CNNM3: variants seen among roughly 807,000 people sequenced by gnomAD.
CNNM3 encodes the protein cyclin and CBS domain divalent metal cation transport mediator 3.
In CNNM3, 47 loss-of-function variants were observed where a neutral mutation model predicts 57.1. That is an observed-to-expected ratio of 0.82 (90% CI 0.65 to 1.05). CNNM3 has a LOEUF of 1.05. Among genes scored for constraint, CNNM3 ranks in the 50% least tolerant of loss-of-function variants. The pLI, the probability that CNNM3 is intolerant of heterozygous loss-of-function variation, is 0.00. For synonymous variants in CNNM3, 507 were observed against 478.2 expected, an observed-to-expected ratio of 1.06 and a Z score of -0.79; for missense variants, 957 against 973.7, an observed-to-expected ratio of 0.98 and a Z score of 0.23.
At position 96,832,541 on chromosome 2, in the gene CNNM3, G is replaced by T. The variant is rs775115240; in HGVS notation, c.2060-11G>T. On this transcript the variant is annotated splice_polypyrimidine_tract_variant and intron_variant, in intron 7 of 7. Transcript: ENST00000305510. ...CTTTGATGTTAATTCTCCTTCCCTT[G>T]TCTCCTGTAGGGTCCAGCCACAGCA... 32 of 1,613,956 alleles carry T rather than the reference G, an allele frequency of 2.0e-5. 2 individuals carry two copies. The South Asian group carries it at 3.5e-4, about 18-fold the overall frequency.
Position 96,833,486 on chromosome 2 carries a change from G to A in CNNM3, c.*870G>A, listed in dbSNP as rs1389100701. ...CCCACAGCCTCCCTGCAGGTGCTGT[G>A]TGGCCGTGATGTGCAGAGAGCAGTG... is the stretch of plus-strand genomic sequence containing the variant. On this transcript the variant is annotated 3_prime_UTR_variant, in exon 8 of 8. Coordinates refer to ENST00000305510, the MANE Select transcript of CNNM3 (RefSeq NM_017623.5). The A allele has an allele frequency of 1.2e-5, 2 of 167,708 alleles. No homozygotes were observed. The highest frequency in any genetic ancestry group is 2.4e-5 in the African/African-American group (1 of 41,748). 10.4% of individuals were successfully genotyped at this position (167,708 alleles called of 1,614,324 possible).
intron 1 of CNNM3, among the ~76,000 whole-genome samples, chr2:96,823,177 T>C (rs184857927): frequency 2.3e-4 from 35 of 152,338 alleles, no homozygotes; most frequent in African/African-American, 7.9e-4. Context: ...CTGTTCGTGA[T>C]AGAATCATCC....
intron 7 of CNNM3, among the ~76,000 whole-genome samples, chr2:96,829,719 C>T (rs557152102): frequency 5.2e-4 from 79 of 151,810 alleles, no homozygotes; most frequent in African/African-American, 1.9e-3. Flanking sequence ...TATAGTAAGT[C>T]GGTATTTCTC....
At chr2:96,827,325 T>C (rs2079525307) in intron 3 of CNNM3, among the ~76,000 whole-genome samples, 1 of 151,538 alleles carries the variant, frequency 6.6e-6, no homozygotes, top group African/African-American at 2.4e-5. Context: ...TGGAGTGCAG[T>C]GGCACGATGT....
chr2:96,823,983 C>T (rs1472053336), intron 1 of CNNM3, among the ~76,000 whole-genome samples: 5 of 152,258 alleles, frequency 3.3e-5, no homozygotes, highest in East Asian at 3.9e-4. Context: ...GTATTGATTA[C>T]GTATTGAAAT....
At chr2:96,831,426 G>A (rs2079600746) in intron 7 of CNNM3, among the ~76,000 whole-genome samples, 1 of 152,142 alleles carries the variant, frequency 6.6e-6, no homozygotes, top group Admixed American at 6.5e-5. Flanking sequence ...TGCCTTTTTT[G>A]AGACTTGGAA....
At position 96,816,813 on chromosome 2, in the gene CNNM3, C is replaced by CGGCGGCGCGGCGTTTGGA. The variant is rs2079326590; in HGVS notation, c.538_555dup (p.Ala180_Glu185dup). The CGGCGGCGCGGCGTTTGGA allele has an allele frequency of 1.9e-6, 2 of 1,027,962 alleles. No homozygotes were observed. The highest frequency in any genetic ancestry group is 2.3e-6 in the Non-Finnish European group (2 of 860,640). 63.7% of individuals were successfully genotyped at this position (1,027,962 alleles called of 1,614,324 possible). A position where few individuals can be genotyped will look rare whatever the true frequency, so the allele number is the denominator to read the frequency against. ...GAGAGCGGCTCGGAGGCGGAGCGTG[C>CGGCGGCGCGGCGTTTGGA]GGCGGCGCGGCGTTTGGAGCCCGCG... On this transcript the variant is annotated inframe_insertion, in exon 1 of 8. Coordinates refer to ENST00000305510, the MANE Select transcript of CNNM3 (RefSeq NM_017623.5).
In CNNM3 at chr2:96,816,723, C is replaced by T. The variant is rs2079324652; in HGVS notation, c.446C>T (p.Ala149Val). Residue 149 changes from alanine (A) to valine (V), a missense_variant, in exon 1 of 8, where the codon GCG becomes GTG. Around this residue, in one of 2 missense-constraint regions of CNNM3, gnomAD observed 466 missense variants for 403.1 expected, o/e 1.16. Coordinates refer to ENST00000305510, the MANE Select transcript of CNNM3 (RefSeq NM_017623.5). ...LGAAGLLALA[A>V]LARGLQLSAL... ...GCGGCCGGGCTGCTGGCGCTGGCAG[C>T]GCTGGCGCGAGGCCTGCAGCTGAGC... The T allele has an allele frequency of 9.9e-7, 1 of 1,012,652 alleles. No homozygotes were observed. Among genetic ancestry groups the T allele is most frequent in the Non-Finnish European group, 1.2e-6 (1 of 849,828 alleles). The allele number at this position is 1,012,652 out of a possible 1,614,324, so 62.7% of individuals were successfully genotyped here.
chr2:96,831,233 C>G (rs151323055), intron 7 of CNNM3, among the ~76,000 whole-genome samples: 1 of 152,330 alleles, frequency 6.6e-6, no homozygotes, highest in East Asian at 1.9e-4. Flanking sequence ...GGCTGGCCTG[C>G]TGTCTTTCTG....
intron 1 of CNNM3, among the ~76,000 whole-genome samples, chr2:96,819,472 T>C (rs1430522803): frequency 6.6e-6 from 1 of 152,200 alleles, no homozygotes; most frequent in Non-Finnish European, 1.5e-5. Flanking sequence ...ATATGCTGTG[T>C]GCTTGGCGTT....
downstream of CNNM3, among the ~76,000 whole-genome samples, chr2:96,836,088 CTT>C (rs1553484521): frequency 7.0e-6 from 1 of 143,468 alleles, no homozygotes; most frequent in Non-Finnish European, 1.5e-5. Flanking sequence ...CCCTCCCCCC[CTT>C]TTTTTTTTCC....
At chr2:96,829,899 A>G (rs1355475764) in intron 7 of CNNM3, among the ~76,000 whole-genome samples, 1 of 152,160 alleles carries the variant, frequency 6.6e-6, no homozygotes, top group Non-Finnish European at 1.5e-5. Flanking sequence ...CCTAGACACT[A>G]GAAGGGCATT....
At position 96,816,568 on chromosome 2, in the gene CNNM3, G is replaced by C; in HGVS notation, c.291G>C (p.Trp97Cys). The C allele has an allele frequency of 1.5e-6, 2 of 1,304,596 alleles. No homozygotes were observed. Among genetic ancestry groups the C allele is most frequent in the Non-Finnish European group, 1.9e-6 (2 of 1,030,574 alleles). 80.8% of individuals were successfully genotyped at this position (1,304,596 alleles called of 1,614,324 possible). A position where few individuals can be genotyped will look rare whatever the true frequency, so the allele number is the denominator to read the frequency against. Residue 97 changes from tryptophan to cysteine, a missense_variant, in exon 1 of 8, where the codon TGG becomes TGC. Trp to Cys is a radical substitution (Grantham distance 215). Coordinates refer to ENST00000305510, the MANE Select transcript of CNNM3 (RefSeq NM_017623.5). ...AGGCGGCCTCCCCCGCGGGCGAGTG[G>C]CGCGCGCTGCTGCGCTTGCGCCTGC... Reference protein sequence around the residue: ...REEAASPAGEWRALLRLRLRA... With the variant: ...REEAASPAGECRALLRLRLRA...
chr2:96,828,593 C>T lies in CNNM3; in HGVS notation c.1813C>T (p.Gln605Ter), dbSNP rs2079550390. 1.2e-6 allele frequency: 2 copies of T among 1,614,202 alleles called. No individual in the cohort carries two copies. The highest frequency in any genetic ancestry group is 1.7e-6 in the Non-Finnish European group (2 of 1,180,040). ...SVHQSPVSSL[Q>*]PIRHDLQPDP... ...TCACCAGTCCCCGGTGTCCTCGCTCCAGCCCATCCGCCATGACCTGCAGCC... is the reference window on the plus strand; with the variant it reads ...TCACCAGTCCCCGGTGTCCTCGCTCTAGCCCATCCGCCATGACCTGCAGCC... The change falls in exon 6 of 8, where the codon CAG (glutamine) becomes TAG (stop). Residue 605 changes from glutamine (Q) to a stop codon, truncating the protein, a stop_gained. Coordinates refer to ENST00000305510, the MANE Select transcript of CNNM3 (RefSeq NM_017623.5). LOFTEE classifies it high-confidence loss of function.
chr2:96,828,779 T>G, intron 6 of CNNM3, 79 bp downstream of exon 6: 2 of 1,581,396 alleles, frequency 1.3e-6, no homozygotes, highest in Non-Finnish European at 1.7e-6. Flanking sequence ...GGTCTGAGAC[T>G]GCCCGGAACA....
chr2:96,837,457 A>G (rs1044979364), downstream of CNNM3: 11 of 152,242 alleles, frequency 7.2e-5, no homozygotes, highest in Non-Finnish European at 1.2e-4. Flanking sequence ...TAAACAGTAC[A>G]TATTTTTAAC....
intron 5 of CNNM3, 144 bp from the exon 6 acceptor site, chr2:96,828,423 C>T (rs927572844): frequency 5.6e-5 from 61 of 1,090,930 alleles, no homozygotes; most frequent in East Asian, 2.6e-5. Context: ...TGTGTTTGTC[C>T]TTCTCTCCCA....
Position 96,817,180 on chromosome 2 carries a change from C to T in CNNM3, c.903C>T (p.Tyr301=), listed in dbSNP as rs746594885. Residue 301 remains tyrosine (Y), a synonymous_variant, in exon 1 of 8, where the codon TAC becomes TAT. Transcript: ENST00000305510. ...LELARGGGDP[Y]SDLSKGVLRC... is the part of the protein sequence containing the mutation. ...TGGCGCGCGGCGGCGGCGACCCCTA[C>T]AGCGATCTCAGCAAGGGCGTGCTGC... 2.6e-6 allele frequency: 4 copies of T among 1,554,530 alleles called. No homozygotes were observed. In the African/African-American group the frequency reaches 4.1e-5, roughly 16 times the overall value.
intron 2 of CNNM3, among the ~76,000 whole-genome samples, chr2:96,825,684 C>T (rs1207602244): frequency 6.9e-6 from 1 of 144,624 alleles, no homozygotes; most frequent in East Asian, 1.9e-4. Flanking sequence ...AGGCAGATCA[C>T]GAGATCGGGA....
Sources: gnomAD v4.1 joint callset for allele counts (sites outside exome capture counted in the v4.1 genomes callset) on GRCh38, gnomAD v4.1.1 for gene constraint, gnomAD v4.1.1 regional missense constraint, MANE v1.5 for transcripts, NCBI Gene and HGNC (gene_info 2026-07-23, HGNC 2026-07-21) for gene names.